The following GDAP1 variants were observed in gnomAD, a reference collection of about 807,000 sequenced individuals.
GDAP1 encodes ganglioside-induced differentiation-associated protein 1.
A neutral mutation model predicts 40.1 loss-of-function variants in GDAP1; 34 were observed. That is an observed-to-expected ratio of 0.85 (90% CI 0.64 to 1.13). GDAP1 has a LOEUF of 1.13. Among genes scored for constraint, GDAP1 ranks in the 50% most tolerant of loss-of-function variants. The probability of loss-of-function intolerance (pLI) is 0.00; values close to 1 mark genes in which losing one functional copy is unlikely to be tolerated. For synonymous variants in GDAP1, 170 were observed against 157.4 expected, an observed-to-expected ratio of 1.08 and a Z score of -0.60; for missense variants, 374 against 433.7, an observed-to-expected ratio of 0.86 and a Z score of 1.22.
chr8:74,362,299 T>C (rs1809407039), intron 4 of GDAP1, among the ~76,000 whole-genome samples: 1 of 152,154 alleles, frequency 6.6e-6, no homozygotes, highest in Non-Finnish European at 1.5e-5. Flanking sequence ...TAGACCTACA[T>C]CCCTCCATGT....
chr8:74,447,357 C>A (rs913709868), intron 2 of GDAP1, among the ~76,000 whole-genome samples: 11 of 151,986 alleles, frequency 7.2e-5, no homozygotes, highest in Non-Finnish European at 1.3e-4. Context: ...AAATGGGGTC[C>A]ATTTTTCCAT....
intron 2 of GDAP1, among the ~76,000 whole-genome samples, chr8:74,435,898 C>G (rs1168212085): frequency 6.6e-6 from 1 of 152,160 alleles, no homozygotes; most frequent in South Asian, 2.1e-4. Flanking sequence ...GGAGAAAGTA[C>G]TCCAACTTGT....
intron 2 of GDAP1, among the ~76,000 whole-genome samples, chr8:74,458,880 C>T (rs941597767): frequency 2.5e-5 from 3 of 118,162 alleles, no homozygotes; most frequent in Non-Finnish European, 5.5e-5. Flanking sequence ...ATTTGAGAGG[C>T]AGCCACAGAA....
chr8:74,402,898 TGTTGTTGTTGTTGTTGTTGA>T (rs1259147426), intron 2 of GDAP1, among the ~76,000 whole-genome samples: 4 of 148,702 alleles, frequency 2.7e-5, no homozygotes, highest in Non-Finnish European at 5.9e-5. Flanking sequence ...CTTATTCTTT[TGTTGTTGTTGTTGTTGTTGA>T]GTTGTTCTAA....
chr8:74,359,610 A>G (rs1211480002), intron 2 of GDAP1, among the ~76,000 whole-genome samples: 1 of 152,198 alleles, frequency 6.6e-6, no homozygotes, highest in Non-Finnish European at 1.5e-5. Flanking sequence ...GCCCCTGATT[A>G]TCTTTCCATA....
At position 74,359,685 on chromosome 8, in the gene GDAP1, ACT is replaced by A. The variant is rs1202626627; in HGVS notation, c.311-449_311-448del. 2.0e-5 allele frequency among the ~76,000 whole-genome samples: 3 copies of A among 152,142 alleles called. No homozygotes were observed. In the East Asian group the frequency reaches 5.8e-4, roughly 29 times the overall value. On this transcript the variant is annotated intron_variant, in intron 2 of 5. Coordinates refer to ENST00000220822, the MANE Select transcript of GDAP1 (RefSeq NM_018972.4). ...TCAAGTGTGTGGAGAACTGTGCTAG[ACT>A]CTGGATTGCAGGTTCCTTTCCCTGA...
At chr8:74,482,118 T>G (rs1806719524) in intron 2 of GDAP1, among the ~76,000 whole-genome samples, 3 of 117,536 alleles carry the variant, frequency 2.6e-5, no homozygotes. Context: ...GGGTTTTTTT[T>G]TGGGGGGGGG....
intron 2 of GDAP1, among the ~76,000 whole-genome samples, chr8:74,382,982 A>T (rs2131538964): frequency 6.6e-6 from 1 of 152,324 alleles, no homozygotes; most frequent in East Asian, 1.9e-4. Context: ...AAAACCAAAC[A>T]CAACAAACTT....
At chr8:74,417,998 A>G (rs1051436519) in intron 2 of GDAP1, among the ~76,000 whole-genome samples, 8 of 152,224 alleles carry the variant, frequency 5.3e-5, no homozygotes, top group South Asian at 2.1e-4. Context: ...TGGGATCTAT[A>G]TATTGAAAAT....
At position 74,406,407 on chromosome 8, in the gene GDAP1, A is replaced by G. The variant is rs890591829; in HGVS notation, c.165+55086A>G. Among the ~76,000 whole-genome samples the G allele has an allele frequency of 2.0e-4, 30 of 150,402 alleles. 2 individuals are homozygous for G. Among genetic ancestry groups the G allele is most frequent in the African/African-American group, 7.3e-4 (29 of 39,692 alleles). ...GACTTTACTTTGGACTGAGCCCTAT[A>G]AACACACATGCACTTCTAACAGGAC... On this transcript the variant is annotated intron_variant, in intron 2 of 2. Coordinates refer to the GDAP1 transcript ENST00000523640.
chr8:74,436,576 C>A (rs947544136), intron 2 of GDAP1, among the ~76,000 whole-genome samples: 18 of 152,050 alleles, frequency 1.2e-4, no homozygotes, highest in Admixed American at 2.6e-4. Context: ...GTGTGCGCCA[C>A]CACAGCTGGC....
intron 2 of GDAP1, among the ~76,000 whole-genome samples, chr8:74,442,104 C>T (rs1415744495): frequency 6.6e-6 from 1 of 152,188 alleles, no homozygotes; most frequent in Non-Finnish European, 1.5e-5. Flanking sequence ...AAGTTAAATG[C>T]GTGTTTTCAT....
chr8:74,442,940 A>G lies in GDAP1; in HGVS notation c.166-45738A>G, dbSNP rs908069400. On this transcript the variant is annotated intron_variant, in intron 2 of 2. Transcript: ENST00000523640. ...TTCATTCATTCTTAATGCATTCATT[A>G]TTACAGCAAATGGAGCACCACCTTT... Among the ~76,000 whole-genome samples, 3 of 152,214 alleles carry G rather than the reference A, an allele frequency of 2.0e-5. No individual in the cohort carries two copies. The South Asian group carries it at 6.2e-4, about 32-fold the overall frequency.
exon 3 of GDAP1, chr8:74,488,859 G>A (rs541540653): frequency 1.2e-4 from 18 of 152,212 alleles, no homozygotes; most frequent in African/African-American, 4.3e-4. Context: ...GAATAAATAG[G>A]TTTGGAGCCT....
chr8:74,369,815 GA>G (rs56165032), downstream of GDAP1, among the ~76,000 whole-genome samples: 150,408 of 152,142 alleles, frequency 0.99, 74,372 homozygotes, highest in East Asian at 1. Context: ...GTTAGAAGGG[GA>G]AAAAAAAGAT....
In GDAP1 at chr8:74,453,970, CA is replaced by C. The variant is rs1169991901; in HGVS notation, c.166-34707del. On this transcript the variant is annotated intron_variant, in intron 2 of 2. Transcript: ENST00000523640. ...ACACACACACACACACACACACACA[CA>C]CACACGTATTCTAAAGACCCAAGGA... is the stretch of plus-strand genomic sequence containing the variant. Among the ~76,000 whole-genome samples, 2 of 81,676 alleles carry C rather than the reference CA, an allele frequency of 2.4e-5. 1 individual carries two copies. The highest frequency in any genetic ancestry group is 1.1e-4 in the African/African-American group (2 of 18,562). The allele number at this position is 81,676 out of a possible 152,430, so 53.6% of individuals were successfully genotyped here.
At chr8:74,418,265 T>A (rs2131557455) in intron 2 of GDAP1, among the ~76,000 whole-genome samples, 1 of 152,310 alleles carries the variant, frequency 6.6e-6, no homozygotes, top group African/African-American at 2.4e-5. Context: ...TTGGGGAAAT[T>A]ATGCTACCCA....
At chr8:74,417,527 TCCAAAGTA>T (rs1157147083) in intron 2 of GDAP1, among the ~76,000 whole-genome samples, 1 of 150,010 alleles carries the variant, frequency 6.7e-6, no homozygotes, top group Non-Finnish European at 1.5e-5. Context: ...TAGGCCTTCT[TCCAAAGTA>T]CTGGGATTAC....
chr8:74,466,970 G>C (rs1427490193), intron 2 of GDAP1, among the ~76,000 whole-genome samples: 1 of 152,212 alleles, frequency 6.6e-6, no homozygotes, highest in Non-Finnish European at 1.5e-5. Context: ...AGGAATCACG[G>C]ACTCTAATCC....
Sources: allele counts gnomAD v4.1 joint callset (sites outside exome capture counted in the v4.1 genomes callset), GRCh38; gene constraint gnomAD v4.1.1; transcripts MANE v1.5; gene names NCBI Gene and HGNC (gene_info 2026-07-23, HGNC 2026-07-21).